RTL4: variants seen among roughly 807,000 people sequenced by gnomAD.
RTL4 encodes the protein retrotransposon Gag-like protein 4.
In RTL4, 4 loss-of-function variants were observed where a neutral mutation model predicts 5.3. That is an observed-to-expected ratio of 0.75 (90% CI 0.37 to 1.72). The LOEUF (loss-of-function observed/expected upper bound fraction) is 1.72, where lower values mean the gene tolerates loss of function less well. Ranked by LOEUF, RTL4 falls within the 40% of genes most tolerant of loss-of-function variation. The pLI is 0.04. For missense variants in RTL4, 260 were observed against 227.1 expected, an observed-to-expected ratio of 1.14 and a Z score of -0.93; for synonymous variants, 98 against 87.3, an observed-to-expected ratio of 1.12 and a Z score of -0.68.
chrX:112,118,639 C>G, the RTL4 span, among the ~76,000 whole-genome samples: 1 of 111,831 alleles, frequency 8.9e-6, no homozygotes, highest in Non-Finnish European at 1.9e-5. Flanking sequence ...GAGATGGGAT[C>G]ATGGGGAGTC....
the RTL4 span, among the ~76,000 whole-genome samples, chrX:112,189,215 G>A: frequency 1.1e-4 from 12 of 110,346 alleles, no homozygotes; most frequent in Non-Finnish European, 2.3e-4. Flanking sequence ...GCAACATAGC[G>A]AGACCCCAAC....
the RTL4 span, among the ~76,000 whole-genome samples, chrX:112,202,600 A>G: frequency 9.3e-6 from 1 of 107,047 alleles, no homozygotes; most frequent in Non-Finnish European, 1.9e-5. Context: ...TCACTCTATC[A>G]CCCAGGCTGG....
At chrX:112,112,681 C>A in the RTL4 span, among the ~76,000 whole-genome samples, 3 of 111,820 alleles carry the variant, frequency 2.7e-5, no homozygotes, top group Admixed American at 2.9e-4. Context: ...AAAAGTAAAT[C>A]ATTCACATAC....
chrX:112,231,641 C>A, the RTL4 span, among the ~76,000 whole-genome samples: 485 of 108,119 alleles, frequency 4.5e-3, 6 homozygotes, highest in African/African-American at 0.016. Flanking sequence ...TTAATGGGTG[C>A]AGCACAGCAA....
At chrX:112,172,545 T>C in the RTL4 span, among the ~76,000 whole-genome samples, 3 of 111,515 alleles carry the variant, frequency 2.7e-5, no homozygotes, top group Admixed American at 2.8e-4. Context: ...GCTTTTACAC[T>C]GTCGGTGGGA....
the RTL4 span, among the ~76,000 whole-genome samples, chrX:112,314,866 G>A: frequency 9.0e-6 from 1 of 111,257 alleles, no homozygotes; most frequent in African/African-American, 3.3e-5. Flanking sequence ...GTGATTTGAT[G>A]GAGAGGTGTC....
the RTL4 span, among the ~76,000 whole-genome samples, chrX:112,338,556 C>T: frequency 8.9e-6 from 1 of 111,970 alleles, no homozygotes; most frequent in Admixed American, 9.5e-5. Flanking sequence ...CTATGTTTTA[C>T]AAATCATCTA....
At chrX:112,260,730 T>A in the RTL4 span, among the ~76,000 whole-genome samples, 1 of 112,000 alleles carries the variant, frequency 8.9e-6, no homozygotes, top group Admixed American at 9.5e-5. Context: ...ATTTATTTAA[T>A]CCGCATCCTT....
At chrX:112,218,852 T>C in the RTL4 span, among the ~76,000 whole-genome samples, 15 of 112,526 alleles carry the variant, frequency 1.3e-4, no homozygotes, top group South Asian at 3.6e-4. Flanking sequence ...GGGTGACTGA[T>C]TGACTTTGTC....
At chrX:112,175,094 T>C in the RTL4 span, among the ~76,000 whole-genome samples, 1 of 105,552 alleles carries the variant, frequency 9.5e-6, no homozygotes, top group African/African-American at 3.5e-5. Flanking sequence ...TTAGATCCCA[T>C]TTGTCAATTT....
At chrX:112,230,496 C>A in the RTL4 span, among the ~76,000 whole-genome samples, 1 of 112,265 alleles carries the variant, frequency 8.9e-6, no homozygotes, top group Non-Finnish European at 1.9e-5. Context: ...CAATGCCTCG[C>A]CCTGCTTCGG....
At chrX:112,409,230 T>A in the RTL4 span, among the ~76,000 whole-genome samples, 1 of 112,032 alleles carries the variant, frequency 8.9e-6, no homozygotes, top group Non-Finnish European at 1.9e-5. Flanking sequence ...ACATAAGCCA[T>A]ACAATAAAAA....
chrX:112,434,495 G>A, the RTL4 span, among the ~76,000 whole-genome samples: 7 of 111,359 alleles, frequency 6.3e-5, no homozygotes, highest in African/African-American at 9.8e-5. Context: ...TATCCATTTC[G>A]TCTAGATTTT....
At chrX:112,190,139 C>CCTTTCTTTCTTTCTTT in the RTL4 span, among the ~76,000 whole-genome samples, 17 of 77,154 alleles carry the variant, frequency 2.2e-4, no homozygotes, top group Admixed American at 4.7e-4. Flanking sequence ...GTAGCCTGTC[C>CCTTTCTTTCTTTCTTT]CTTTCTTTCT....
At chrX:112,204,806 A>T in the RTL4 span, among the ~76,000 whole-genome samples, 1 of 111,500 alleles carries the variant, frequency 9.0e-6, no homozygotes, top group South Asian at 3.8e-4. Context: ...TAACTTATAG[A>T]GTATAATTGA....
the RTL4 span, among the ~76,000 whole-genome samples, chrX:112,428,208 T>C: frequency 1.8e-5 from 2 of 112,005 alleles, no homozygotes; most frequent in Non-Finnish European, 1.9e-5. Context: ...ATCTTTGCAA[T>C]TGCAAATTGT....
the RTL4 span, among the ~76,000 whole-genome samples, chrX:112,202,175 G>A: frequency 9.9e-3 from 1,106 of 111,576 alleles, 13 homozygotes; most frequent in African/African-American, 0.034. Flanking sequence ...AAATATGTGC[G>A]TCATTTCTGT....
the RTL4 span, among the ~76,000 whole-genome samples, chrX:112,148,588 T>C: frequency 4.5e-4 from 50 of 111,581 alleles, no homozygotes; most frequent in East Asian, 2.3e-3. Context: ...CAGATAAAGA[T>C]ACATATCCTC....
At chrX:112,356,470 G>A in the RTL4 span, among the ~76,000 whole-genome samples, 796 of 111,133 alleles carry the variant, frequency 7.2e-3, 9 homozygotes, top group African/African-American at 0.025. Context: ...GTAATTAAAA[G>A]GATAAAGGAG....
Sources: gnomAD v4.1 joint callset for allele counts (sites outside exome capture counted in the v4.1 genomes callset) on GRCh38, gnomAD v4.1.1 for gene constraint, MANE v1.5 for transcripts, NCBI Gene and HGNC (gene_info 2026-07-23, HGNC 2026-07-21) for gene names.